TMCO1: variants seen among roughly 807,000 people sequenced by gnomAD.
TMCO1 encodes the protein transmembrane and coiled-coil domains 1.
TMCO1 carries 29 observed loss-of-function variants against 29.3 expected under a neutral mutation model. The observed-to-expected ratio is 0.99, with a 90% CI of 0.74 to 1.35. The LOEUF (loss-of-function observed/expected upper bound fraction) is 1.35, where lower values mean the gene tolerates loss of function less well. Ranked by LOEUF, TMCO1 falls within the 40% of genes most tolerant of loss-of-function variation. The pLI, the probability that TMCO1 is intolerant of heterozygous loss-of-function variation, is 0.00. For synonymous variants in TMCO1, 80 were observed against 77.1 expected (o/e 1.04, Z -0.20); for missense variants, 173 against 225.5 (o/e 0.77, Z 1.49).
At chr1:165,753,660 A>C (rs1031871801) in intron 4 of TMCO1, among the ~76,000 whole-genome samples, 12 of 151,912 alleles carry the variant, frequency 7.9e-5, no homozygotes, top group Non-Finnish European at 1.5e-4. Flanking sequence ...AAAAAAAATT[A>C]AAAATTAGCC....
At chr1:165,732,131 G>A (rs1397691841) in intron 6 of TMCO1, among the ~76,000 whole-genome samples, 1 of 152,012 alleles carries the variant, frequency 6.6e-6, no homozygotes, top group East Asian at 1.9e-4. Context: ...AAGAGCCACA[G>A]GTAAAAGGAC....
At chr1:165,726,095 T>C (rs1307357953), downstream of TMCO1, 5 of 696,818 alleles carry the variant, frequency 7.2e-6, no homozygotes, top group Admixed American at 8.0e-5. Context: ...ATTTTGAGGA[T>C]GGTTTCATGT....
chr1:165,768,407 T>C lies in TMCO1; in HGVS notation c.71-138A>G, dbSNP rs186875243. Reference sequence around the variant, plus strand: ...ATAGTTAACTTTTTTCAAAGGCTAATACAACTGACTCTTCAGCCAAAACAA... The same window carrying C: ...ATAGTTAACTTTTTTCAAAGGCTAACACAACTGACTCTTCAGCCAAAACAA... On this transcript the variant is annotated intron_variant, in intron 1 of 6. Coordinates refer to ENST00000367881, the MANE Select transcript of TMCO1 (RefSeq NM_019026.6). 19 of 1,500,682 alleles carry C rather than the reference T, an allele frequency of 1.3e-5. No homozygotes were observed. The African/African-American group carries it at 1.9e-4, about 15-fold the overall frequency. 93.0% of individuals were successfully genotyped at this position (1,500,682 alleles called of 1,614,324 possible).
At chr1:165,724,683 T>G (rs1650780000), downstream of TMCO1, 1 of 453,982 alleles carries the variant, frequency 2.2e-6, no homozygotes, top group African/African-American at 2.0e-5. Flanking sequence ...AGGATGTGTA[T>G]CAGCTAACTG....
chr1:165,746,369 A>T (rs1471618245), intron 5 of TMCO1, among the ~76,000 whole-genome samples: 2 of 150,872 alleles, frequency 1.3e-5, no homozygotes, highest in Non-Finnish European at 2.9e-5. Flanking sequence ...AAGAAACCTG[A>T]TTATAATGAA....
intron 6 of TMCO1, among the ~76,000 whole-genome samples, chr1:165,730,383 G>A (rs1384759870): frequency 6.6e-6 from 1 of 151,900 alleles, no homozygotes; most frequent in Non-Finnish European, 1.5e-5. Flanking sequence ...GTGTATTGAG[G>A]TAACACTGTT....
At chr1:165,724,926 T>C, downstream of TMCO1, 1 of 452,780 alleles carries the variant, frequency 2.2e-6, no homozygotes, top group South Asian at 1.6e-5. Context: ...ACAAATTAGC[T>C]AGGAGCTGAT....
chr1:165,766,810 A>G (rs1652587664), intron 2 of TMCO1, among the ~76,000 whole-genome samples: 1 of 152,180 alleles, frequency 6.6e-6, no homozygotes, highest in Non-Finnish European at 1.5e-5. Context: ...AGTAAGATGG[A>G]GAGCAGCAAA....
chr1:165,763,510 T>C (rs1652467917), intron 2 of TMCO1, among the ~76,000 whole-genome samples: 1 of 152,190 alleles, frequency 6.6e-6, no homozygotes, highest in African/African-American at 2.4e-5. Flanking sequence ...AGAAATGCCA[T>C]GAGTCATTCC....
chr1:165,747,812 C>T (rs939363794), intron 5 of TMCO1, among the ~76,000 whole-genome samples: 7 of 152,054 alleles, frequency 4.6e-5, no homozygotes, highest in Admixed American at 2.6e-4. Context: ...TAGAGTCTCA[C>T]GTCCTCATCT....
chr1:165,754,174 CTT>C, intron 4 of TMCO1, 52 bp downstream of exon 4: 1 of 1,484,968 alleles, frequency 6.7e-7, no homozygotes, highest in Non-Finnish European at 9.4e-7. Flanking sequence ...GTAAATCAGT[CTT>C]TTGCTAAAAA....
intron 6 of TMCO1, among the ~76,000 whole-genome samples, chr1:165,735,663 C>T (rs1651344762): frequency 6.6e-6 from 1 of 152,094 alleles, no homozygotes; most frequent in South Asian, 2.1e-4. Context: ...TACAGACATG[C>T]ACCACCATGC....
chr1:165,734,485 T>A (rs565118439), intron 6 of TMCO1, among the ~76,000 whole-genome samples: 1 of 152,136 alleles, frequency 6.6e-6, no homozygotes, highest in African/African-American at 2.4e-5. Flanking sequence ...TTTTAATTTT[T>A]AAAATAAATT....
intron 2 of TMCO1, 62 bp downstream of exon 2, chr1:165,768,130 G>A: frequency 7.5e-7 from 1 of 1,341,918 alleles, no homozygotes; most frequent in Non-Finnish European, 1.1e-6. Flanking sequence ...AATATTTATT[G>A]TGAACATGGA....
chr1:165,744,802 A>AT (rs907615024), intron 5 of TMCO1, among the ~76,000 whole-genome samples: 7 of 151,642 alleles, frequency 4.6e-5, no homozygotes, highest in Admixed American at 3.3e-4. Context: ...AAAAAAAAAA[A>AT]AAAAAAAAAA....
chr1:165,740,791 G>A (rs1651565127), intron 6 of TMCO1, among the ~76,000 whole-genome samples: 1 of 152,172 alleles, frequency 6.6e-6, no homozygotes, highest in Admixed American at 6.5e-5. Flanking sequence ...ATAAAAGTGA[G>A]TTCTCTCTGG....
chr1:165,735,143 TTCTC>T (rs1289312326), intron 6 of TMCO1, among the ~76,000 whole-genome samples: 21 of 152,164 alleles, frequency 1.4e-4, no homozygotes, highest in Non-Finnish European at 2.9e-4. Context: ...GACAATCTCT[TTCTC>T]TCCCTCTCAC....
At chr1:165,725,785 T>C (rs1650861958), downstream of TMCO1, 1 of 457,440 alleles carries the variant, frequency 2.2e-6, no homozygotes, top group South Asian at 1.6e-5. Context: ...ATTTAATTCT[T>C]GTGATAGTTT....
chr1:165,725,330 GC>G (rs1650831294), downstream of TMCO1: 1 of 453,786 alleles, frequency 2.2e-6, no homozygotes, highest in Non-Finnish European at 4.4e-6. Flanking sequence ...TAAGTAACTG[GC>G]CCCATTGGAG....
Sources: allele counts gnomAD v4.1 joint callset (sites outside exome capture counted in the v4.1 genomes callset), GRCh38; gene constraint gnomAD v4.1.1; transcripts MANE v1.5; gene names NCBI Gene and HGNC (gene_info 2026-07-23, HGNC 2026-07-21).